GRM5: variants seen among roughly 807,000 people sequenced by gnomAD.
GRM5 encodes glutamate metabotropic receptor 5.
In GRM5, 19 loss-of-function variants were observed where a neutral mutation model predicts 83.1. The observed-to-expected ratio is 0.23, with a 90% CI of 0.16 to 0.34. GRM5 has a LOEUF of 0.34. Among genes scored for constraint, GRM5 ranks in the 10% least tolerant of loss-of-function variants. GRM5 has a pLI of 1.00. For missense variants in GRM5, 1,160 were observed against 1,588.3 expected (o/e 0.73, Z 4.58); for synonymous variants, 675 against 633.6 (o/e 1.07, Z -0.98).
chr11:88,976,774 C>T (rs556779179), intron 2 of GRM5, among the ~76,000 whole-genome samples: 5 of 151,882 alleles, frequency 3.3e-5, no homozygotes, highest in Non-Finnish European at 7.4e-5. Flanking sequence ...GACACACACA[C>T]AAATTGTTTT....
At chr11:88,815,091 T>C (rs1050079924) in intron 3 of GRM5, among the ~76,000 whole-genome samples, 1 of 152,192 alleles carries the variant, frequency 6.6e-6, no homozygotes, top group Non-Finnish European at 1.5e-5. Context: ...AACTGAAATT[T>C]ATAGAATATT....
At position 88,661,320 on chromosome 11, in the gene GRM5, T is replaced by C. The variant is rs1939899815; in HGVS notation, c.912-7917A>G. ...ATAACTACATCTACTCATTTGTTAA[T>C]TGAGAAAATAACACTGTCAAATGTG... is the stretch of plus-strand genomic sequence containing the variant. On this transcript the variant is annotated intron_variant, in intron 3 of 9. Transcript: ENST00000305447. 2.6e-5 allele frequency among the ~76,000 whole-genome samples: 4 copies of C among 152,308 alleles called. No individual in the cohort carries two copies. The South Asian group carries it at 6.2e-4, about 24-fold the overall frequency.
chr11:88,633,196 T>C (rs1939027047), intron 4 of GRM5, among the ~76,000 whole-genome samples: 1 of 152,176 alleles, frequency 6.6e-6, no homozygotes, highest in East Asian at 1.9e-4. Flanking sequence ...TAAAAATGAC[T>C]AAAAGAAATG....
intron 2 of GRM5, among the ~76,000 whole-genome samples, chr11:89,017,606 A>G (rs1434863197): frequency 6.6e-6 from 1 of 152,236 alleles, no homozygotes; most frequent in African/African-American, 2.4e-5. Context: ...AAAAGGAAGC[A>G]GAAGCTGAAT....
chr11:88,899,212 G>T (rs1286994561), intron 2 of GRM5, among the ~76,000 whole-genome samples: 1 of 151,712 alleles, frequency 6.6e-6, no homozygotes, highest in East Asian at 1.9e-4. Context: ...GCTGTCTTAG[G>T]TTATTTCATC....
At chr11:88,633,545 A>T (rs889996805) in intron 4 of GRM5, among the ~76,000 whole-genome samples, 4 of 152,158 alleles carry the variant, frequency 2.6e-5, no homozygotes, top group African/African-American at 9.7e-5. Context: ...GTAACTCAGG[A>T]TGGAGTGCAG....
At chr11:88,971,800 G>A (rs1403699247) in intron 2 of GRM5, among the ~76,000 whole-genome samples, 1 of 152,040 alleles carries the variant, frequency 6.6e-6, no homozygotes, top group Non-Finnish European at 1.5e-5. Flanking sequence ...GTTATGAGGA[G>A]CACATATAGT....
intron 3 of GRM5, among the ~76,000 whole-genome samples, chr11:88,764,957 G>C (rs1942599710): frequency 6.6e-6 from 1 of 151,274 alleles, no homozygotes; most frequent in African/African-American, 2.4e-5. Context: ...ATAACTTTTA[G>C]GTAGATGGAC....
At chr11:88,932,320 A>G (rs1937739920) in intron 2 of GRM5, among the ~76,000 whole-genome samples, 1 of 152,116 alleles carries the variant, frequency 6.6e-6, no homozygotes, top group East Asian at 1.9e-4. Context: ...ATATATAAAC[A>G]CAAATATTTG....
chr11:88,963,181 T>C (rs1938837589), intron 2 of GRM5, among the ~76,000 whole-genome samples: 2 of 152,170 alleles, frequency 1.3e-5, no homozygotes, highest in Admixed American at 6.5e-5. Flanking sequence ...GTTTACAAGT[T>C]GGAAAACAAA....
Position 88,567,521 on chromosome 11 carries a change from T to C in GRM5, c.2162A>G (p.His721Arg). ...LFIMEPPDIMHDYPSIREVYL... is the reference protein window; with the variant it reads ...LFIMEPPDIMRDYPSIREVYL... ...GACTTCTCGAATGCTTGGGTAGTCA[T>C]GCATTATGTCAGGAGGCTCCATTAT... The change falls in exon 8 of 10, where the codon CAT (histidine) becomes CGT (arginine). Residue 721 changes from histidine to arginine, a missense_variant. His to Arg is a conservative substitution (Grantham distance 29, BLOSUM62 0). Transcript: ENST00000305447. This position sits in a 1 kb window ranked among gnomAD's most constrained non-coding sequence, Gnocchi z 7.3. 6.2e-7 allele frequency: 1 copy of C among 1,612,862 alleles called. No individual in the cohort carries two copies. The highest frequency in any genetic ancestry group is 1.7e-4 in the Middle Eastern group (1 of 6,058).
chr11:88,614,266 T>C (rs913854537), intron 4 of GRM5, among the ~76,000 whole-genome samples: 2 of 152,186 alleles, frequency 1.3e-5, no homozygotes, highest in Non-Finnish European at 2.9e-5. Flanking sequence ...AGTTTAATCA[T>C]CTGCTAAATG....
At chr11:88,553,220 T>C (rs1942550954) in intron 8 of GRM5, among the ~76,000 whole-genome samples, 1 of 152,178 alleles carries the variant, frequency 6.6e-6, no homozygotes, top group South Asian at 2.1e-4. Context: ...TGCTTGCTAG[T>C]CCATTTGGGC....
At chr11:88,837,115 A>G (rs1944107489) in intron 3 of GRM5, among the ~76,000 whole-genome samples, 1 of 152,186 alleles carries the variant, frequency 6.6e-6, no homozygotes, top group Admixed American at 6.5e-5. Context: ...ATTTTTTTTA[A>G]AAAAGAAACA....
intron 3 of GRM5, among the ~76,000 whole-genome samples, chr11:88,827,634 T>C (rs972791414): frequency 1.3e-5 from 2 of 152,188 alleles, no homozygotes; most frequent in African/African-American, 4.8e-5. Context: ...ACCTGCTATT[T>C]TGATCTCAGA....
chr11:88,793,337 A>G (rs1420230820), intron 3 of GRM5, among the ~76,000 whole-genome samples: 1 of 152,206 alleles, frequency 6.6e-6, no homozygotes, highest in East Asian at 1.9e-4. Context: ...ATTTACACAT[A>G]TATAAAAATT....
chr11:88,916,918 C>T (rs536114979), intron 2 of GRM5, among the ~76,000 whole-genome samples: 2 of 152,268 alleles, frequency 1.3e-5, no homozygotes, highest in African/African-American at 4.8e-5. Context: ...GAACCTGCAG[C>T]CCTGAAATGA....
chr11:88,945,692 G>T (rs1223660461), intron 2 of GRM5, among the ~76,000 whole-genome samples: 1 of 151,978 alleles, frequency 6.6e-6, no homozygotes, highest in Non-Finnish European at 1.5e-5. Context: ...ATATGCAAAA[G>T]AATGAAACTG....
At chr11:88,838,111 A>T (rs1789975257) in intron 3 of GRM5, among the ~76,000 whole-genome samples, 3 of 145,696 alleles carry the variant, frequency 2.1e-5, no homozygotes, top group South Asian at 2.2e-4. Context: ...AAAAAAAAAG[A>T]TATAAGTAAC....
Sources: allele counts gnomAD v4.1 joint callset (sites outside exome capture counted in the v4.1 genomes callset), GRCh38; gene constraint gnomAD v4.1.1; non-coding constraint Gnocchi (gnomAD v3.1); transcripts MANE v1.5; gene names NCBI Gene and HGNC (gene_info 2026-07-23, HGNC 2026-07-21).